CPA6: variants seen among roughly 807,000 people sequenced by gnomAD.
CPA6 encodes the protein carboxypeptidase B.
Under a neutral mutation model 63.3 loss-of-function variants are expected in CPA6, and 58 were observed. That is an observed-to-expected ratio of 0.92 (90% CI 0.74 to 1.14). The LOEUF is 1.14. Ranked by LOEUF, CPA6 falls within the 50% of genes most tolerant of loss-of-function variation. CPA6 has a pLI of 0.00. For synonymous variants in CPA6, 185 were observed against 179.0 expected (o/e 1.03, Z -0.27); for missense variants, 565 against 526.6 (o/e 1.07, Z -0.71).
intron 1 of CPA6, among the ~76,000 whole-genome samples, chr8:67,708,002 G>A (rs962557600): frequency 1.7e-4 from 26 of 152,042 alleles, no homozygotes; most frequent in Admixed American, 1.6e-3. Flanking sequence ...CACAGTCCCT[G>A]TACAAGGTTT....
chr8:67,652,780 T>C lies in CPA6; in HGVS notation c.117-28529A>G, dbSNP rs1333790569. Among the ~76,000 whole-genome samples, 423 of 152,246 alleles carry C rather than the reference T, an allele frequency of 2.8e-3. 2 individuals carry two copies. The highest frequency in any genetic ancestry group is 9.4e-3 in the African/African-American group (389 of 41,546). ...TTGTCAATTTTGGCTTTTGTTGCCA[T>C]TGCTTTTGGTATTTTAGACATGAAG... On this transcript the variant is annotated intron_variant, in intron 1 of 10. Transcript: ENST00000297770.
At chr8:67,612,797 C>A (rs921134371) in intron 2 of CPA6, among the ~76,000 whole-genome samples, 11 of 152,134 alleles carry the variant, frequency 7.2e-5, no homozygotes, top group Admixed American at 2.0e-4. Flanking sequence ...AAAGTATTGC[C>A]ACATATGCAT....
intron 1 of CPA6, among the ~76,000 whole-genome samples, chr8:67,720,950 C>T (rs1370653111): frequency 6.6e-6 from 1 of 152,214 alleles, no homozygotes; most frequent in South Asian, 2.1e-4. Flanking sequence ...GGAGGCACCA[C>T]ATAATACTGT....
intron 1 of CPA6, among the ~76,000 whole-genome samples, chr8:67,684,325 TAATA>T (rs1816666901): frequency 6.6e-6 from 1 of 152,148 alleles, no homozygotes; most frequent in South Asian, 2.1e-4. Context: ...TGTAGGAGCT[TAATA>T]AATATTTCAT....
At chr8:67,500,896 G>A (rs1209031387) in intron 6 of CPA6, among the ~76,000 whole-genome samples, 8 of 151,688 alleles carry the variant, frequency 5.3e-5, no homozygotes. Context: ...CTATTTTTGG[G>A]TTTCTATTCT....
chr8:67,593,000 C>T lies in CPA6; in HGVS notation c.192+31176G>A, dbSNP rs539706168. ...TTAGGGTGTCAATTTTGGATCTTTC[C>T]TGCTTTCTCTTGTGGGCATTTAGTG... On this transcript the variant is annotated intron_variant, in intron 2 of 10. Coordinates refer to ENST00000297770, the MANE Select transcript of CPA6 (RefSeq NM_020361.5). Among the ~76,000 whole-genome samples the T allele has an allele frequency of 1.7e-4, 26 of 150,356 alleles. 1 individual carries two copies. In the South Asian group the frequency reaches 3.2e-3, roughly 18 times the overall value.
At chr8:67,742,452 G>A (rs1338449332) in intron 1 of CPA6, among the ~76,000 whole-genome samples, 1 of 152,152 alleles carries the variant, frequency 6.6e-6, no homozygotes, top group Non-Finnish European at 1.5e-5. Flanking sequence ...AATCTCAAGT[G>A]TGTCCTTGAG....
At chr8:67,596,220 G>T (rs1052104597) in intron 2 of CPA6, among the ~76,000 whole-genome samples, 12 of 152,140 alleles carry the variant, frequency 7.9e-5, no homozygotes, top group South Asian at 2.1e-4. Flanking sequence ...TGTTATTGAT[G>T]AACTCTCCCA....
chr8:67,443,241 G>A (rs1299218691), intron 8 of CPA6, among the ~76,000 whole-genome samples: 1 of 151,928 alleles, frequency 6.6e-6, no homozygotes, highest in Non-Finnish European at 1.5e-5. Flanking sequence ...TGTATTTTTA[G>A]TAGAGACGGG....
chr8:67,647,082 A>C (rs1290360047), intron 1 of CPA6, among the ~76,000 whole-genome samples: 1 of 152,214 alleles, frequency 6.6e-6, no homozygotes, highest in African/African-American at 2.4e-5. Context: ...CAATTGACAC[A>C]GCCTAGGAGG....
intron 1 of CPA6, among the ~76,000 whole-genome samples, chr8:67,657,998 C>T (rs1158916944): frequency 1.3e-5 from 2 of 152,194 alleles, no homozygotes; most frequent in East Asian, 1.9e-4. Flanking sequence ...GCCTTCCTCA[C>T]CCATCCCACA....
intron 1 of CPA6, among the ~76,000 whole-genome samples, chr8:67,698,199 TTATG>T (rs1816947562): frequency 6.6e-6 from 1 of 152,198 alleles, no homozygotes. Flanking sequence ...GCCTTCCCTC[TTATG>T]TCTGTCCAGA....
At chr8:67,616,732 A>T (rs888522538) in intron 2 of CPA6, among the ~76,000 whole-genome samples, 3 of 152,104 alleles carry the variant, frequency 2.0e-5, no homozygotes, top group Non-Finnish European at 4.4e-5. Flanking sequence ...CGAGTACTCT[A>T]AGCTTGGGTT....
rs377322422 is a variant in CPA6, at chr8:67,616,346, G to A, written c.192+7830C>T. ...CTGACTACAGTATGGAGAACAAATA[G>A]GAACCATGTGTGAGGGCTGCAGAAA... On this transcript the variant is annotated intron_variant, in intron 2 of 10. Transcript: ENST00000297770. 2.8e-4 allele frequency among the ~76,000 whole-genome samples: 42 copies of A among 152,256 alleles called. No homozygotes were observed. The East Asian group carries it at 6.0e-3, about 22-fold the overall frequency.
chr8:67,521,441 A>G (rs1225394257), intron 2 of CPA6, among the ~76,000 whole-genome samples: 1 of 152,212 alleles, frequency 6.6e-6, no homozygotes, highest in Non-Finnish European at 1.5e-5. Flanking sequence ...TCTTAAAAAC[A>G]TACCCAGCAG....
intron 10 of CPA6, among the ~76,000 whole-genome samples, chr8:67,422,956 C>CA (rs1344488295): frequency 6.6e-6 from 1 of 152,156 alleles, no homozygotes; most frequent in African/African-American, 2.4e-5. Context: ...ACCTCAATTC[C>CA]AAAAACGTTT....
At chr8:67,705,045 A>T (rs1055095049) in intron 1 of CPA6, among the ~76,000 whole-genome samples, 1 of 152,156 alleles carries the variant, frequency 6.6e-6, no homozygotes, top group Non-Finnish European at 1.5e-5. Flanking sequence ...AGGCTCAACT[A>T]TTGGCTGTTT....
intron 1 of CPA6, among the ~76,000 whole-genome samples, chr8:67,652,242 C>A (rs558308890): frequency 8.5e-5 from 13 of 152,270 alleles, no homozygotes; most frequent in African/African-American, 3.1e-4. Flanking sequence ...ATTTATAGTC[C>A]TTTGGGTATA....
intron 2 of CPA6, among the ~76,000 whole-genome samples, chr8:67,606,566 G>A (rs1423885085): frequency 6.6e-6 from 1 of 152,128 alleles, no homozygotes; most frequent in Non-Finnish European, 1.5e-5. Flanking sequence ...GTGCCCAGCA[G>A]AGACAGGATA....
Sources: allele counts gnomAD v4.1 joint callset (sites outside exome capture counted in the v4.1 genomes callset), GRCh38; gene constraint gnomAD v4.1.1; transcripts MANE v1.5; gene names NCBI Gene and HGNC (gene_info 2026-07-23, HGNC 2026-07-21).